The following DENND2A variants were observed in gnomAD, a reference collection of about 807,000 sequenced individuals.
DENND2A encodes DENN domain-containing protein 2A.
DENND2A carries 53 observed loss-of-function variants against 105.3 expected under a neutral mutation model. That is an observed-to-expected ratio of 0.50 (90% CI 0.40 to 0.63). DENND2A has a LOEUF of 0.63. DENND2A is among the 30% of genes least tolerant of loss of function. The pLI is 0.00. For missense variants in DENND2A, 1,138 were observed against 1,279.6 expected (o/e 0.89, Z 1.69); for synonymous variants, 522 against 508.4 (o/e 1.03, Z -0.36).
intron 12 of DENND2A, among the ~76,000 whole-genome samples, chr7:140,553,044 T>C (rs201008202): frequency 6.6e-6 from 1 of 151,908 alleles, no homozygotes; most frequent in Admixed American, 6.6e-5. Flanking sequence ...AATGAGAGAC[T>C]TGGAAAAGAA....
intron 19 of DENND2A, among the ~76,000 whole-genome samples, chr7:140,519,162 C>T (rs980524346): frequency 1.3e-5 from 2 of 152,188 alleles, no homozygotes; most frequent in African/African-American, 4.8e-5. Context: ...GCTGCAGACA[C>T]CTCCCTACTG....
chr7:140,625,574 G>A (rs1409384904), intron 1 of DENND2A, among the ~76,000 whole-genome samples: 1 of 151,826 alleles, frequency 6.6e-6, no homozygotes. Flanking sequence ...CTCAGCTTCT[G>A]TGGATGCTGA....
chr7:140,557,527 ATATATTTTTT>A (rs1224775772), intron 11 of DENND2A, among the ~76,000 whole-genome samples: 8 of 33,162 alleles, frequency 2.4e-4, no homozygotes, highest in African/African-American at 5.7e-4. Flanking sequence ...ATATATATAT[ATATATTTTTT>A]TTTTTTTTTT....
intron 11 of DENND2A, 133 bp from the exon 12 acceptor site, chr7:140,555,846 T>C (rs1480240740): frequency 4.9e-6 from 3 of 616,666 alleles, no homozygotes; most frequent in Non-Finnish European, 8.2e-6. Flanking sequence ...CCCAATAAAG[T>C]AAGTTGTTAT....
intron 8 of DENND2A, 55 bp downstream of exon 8, chr7:140,568,708 C>G: frequency 1.3e-6 from 2 of 1,594,268 alleles, no homozygotes; most frequent in Non-Finnish European, 1.7e-6. Context: ...GAGGGGCCAC[C>G]TTTGCAGCTT....
intron 1 of DENND2A, among the ~76,000 whole-genome samples, chr7:140,621,069 G>A (rs1028768125): frequency 3.3e-5 from 5 of 152,054 alleles, no homozygotes; most frequent in Non-Finnish European, 5.9e-5. Flanking sequence ...TCGCTCTGTC[G>A]CCAGGCTGGA....
At position 140,602,196 on chromosome 7, in the gene DENND2A, C is replaced by T. The variant is rs373479609; in HGVS notation, c.202G>A (p.Ala68Thr). The change falls in exon 3 of 20, where the codon GCA becomes ACA. Residue 68 changes from alanine (A) to threonine (T), a missense_variant. Ala to Thr is a moderately conservative substitution (Grantham distance 58). This residue lies in a region of DENND2A where 511 missense variants were observed against 499.9 expected (regional missense o/e 1.02). Transcript: ENST00000496613. The stretch of plus-strand genomic sequence containing the variant: ...GGCAGATAATCCTCCTGTCCGTCTG[C>T]TCTCCTGCTGGGTGCAGGAGTGGGC... ...EVPTPAPSRR[A>T]DGQEDYLPSS... 3.1e-6 allele frequency: 5 copies of T among 1,614,094 alleles called. No individual in the cohort carries two copies. Among genetic ancestry groups the T allele is most frequent in the Middle Eastern group, 1.6e-4 (1 of 6,084 alleles).
chr7:140,580,033 C>T (rs532625734), intron 5 of DENND2A, among the ~76,000 whole-genome samples: 1 of 152,160 alleles, frequency 6.6e-6, no homozygotes, highest in African/African-American at 2.4e-5. Context: ...ACTTGGGAAA[C>T]TGAGACAGAG....
chr7:140,553,766 T>C (rs1460495519), intron 12 of DENND2A, among the ~76,000 whole-genome samples: 1 of 152,236 alleles, frequency 6.6e-6, no homozygotes, highest in African/African-American at 2.4e-5. Context: ...TTAATCCATT[T>C]AACCCTGAGT....
intron 12 of DENND2A, among the ~76,000 whole-genome samples, chr7:140,552,806 A>G (rs951327469): frequency 6.6e-6 from 1 of 152,108 alleles, no homozygotes; most frequent in Admixed American, 6.5e-5. Context: ...CTTGGGCTCA[A>G]GTGATCTACT....
chr7:140,631,649 T>G (rs556648437), intron 1 of DENND2A, among the ~76,000 whole-genome samples: 2 of 152,262 alleles, frequency 1.3e-5, no homozygotes, highest in South Asian at 4.1e-4. Context: ...TTGTCTATGT[T>G]TGTTGATTGT....
intron 1 of DENND2A, among the ~76,000 whole-genome samples, chr7:140,626,917 C>T (rs144338214): frequency 6.6e-6 from 1 of 152,320 alleles, no homozygotes; most frequent in Non-Finnish European, 1.5e-5. Flanking sequence ...TGGAATCAGA[C>T]AGACCCAGGT....
chr7:140,620,267 AC>A (rs2130718848), intron 1 of DENND2A, among the ~76,000 whole-genome samples: 1 of 150,012 alleles, frequency 6.7e-6, no homozygotes, highest in South Asian at 2.1e-4. Context: ...AATGGAAAAA[AC>A]GTTCCTGTTG....
rs115888080 is a variant in DENND2A at position 140,552,983 on chromosome 7, G to A, written c.2037+2653C>T. 9.5e-3 allele frequency among the ~76,000 whole-genome samples: 1,447 copies of A among 152,248 alleles called. 24 individuals are homozygous for A. The highest frequency in any genetic ancestry group is 0.033 in the African/African-American group (1,357 of 41,538). On this transcript the variant is annotated intron_variant, in intron 12 of 19. Coordinates refer to ENST00000496613, the MANE Select transcript of DENND2A (RefSeq NM_015689.5). ...CTTTTTTATAGAAATGCTTTTAGGG[G>A]TGAAGGGGTGGGTTGCCCCTCCACA...
At chr7:140,594,244 TAA>T (rs1799189596) in intron 3 of DENND2A, among the ~76,000 whole-genome samples, 1 of 152,164 alleles carries the variant, frequency 6.6e-6, no homozygotes, top group African/African-American at 2.4e-5. Context: ...CTCCCCTTCT[TAA>T]AAATGTTCCT....
chr7:140,552,010 G>C lies in DENND2A; in HGVS notation c.2037+3626C>G, dbSNP rs150399762. On this transcript the variant is annotated intron_variant, in intron 12 of 19. Coordinates refer to ENST00000496613, the MANE Select transcript of DENND2A (RefSeq NM_015689.5). ...TCCACGTCCCCTGCCCATGACAGCA[G>C]TGAAGCTTACGTGAACTTCAAAGCC... 2.0e-3 allele frequency among the ~76,000 whole-genome samples: 311 copies of C among 152,362 alleles called. 2 individuals carry two copies. The highest frequency in any genetic ancestry group is 7.0e-3 in the African/African-American group (291 of 41,592).
intron 4 of DENND2A, among the ~76,000 whole-genome samples, chr7:140,586,202 A>G (rs144218654): frequency 1.3e-5 from 2 of 151,996 alleles, no homozygotes; most frequent in Non-Finnish European, 2.9e-5. Flanking sequence ...TGCTGAGAAT[A>G]AAGCTAACCT....
At chr7:140,549,548 C>G (rs767759301) in intron 12 of DENND2A, among the ~76,000 whole-genome samples, 1 of 152,120 alleles carries the variant, frequency 6.6e-6, no homozygotes. Flanking sequence ...CCGCCATGCC[C>G]GGCCCTCGAA....
chr7:140,596,375 A>C (rs1799283094), intron 3 of DENND2A, among the ~76,000 whole-genome samples: 1 of 152,214 alleles, frequency 6.6e-6, no homozygotes, highest in Admixed American at 6.5e-5. Flanking sequence ...TGAAACATTC[A>C]GTTTTTAGAC....
Sources: allele counts gnomAD v4.1 joint callset (sites outside exome capture counted in the v4.1 genomes callset), GRCh38; gene constraint gnomAD v4.1.1; regional missense constraint gnomAD v4.1.1; transcripts MANE v1.5; gene names NCBI Gene and HGNC (gene_info 2026-07-23, HGNC 2026-07-21).